PEBP4: variants seen among roughly 807,000 people sequenced by gnomAD.
PEBP4 encodes phosphatidylethanolamine binding protein 4, also known as phosphatidylethanolamine-binding protein 4.
PEBP4 carries 22 observed loss-of-function variants against 23.9 expected under a neutral mutation model. The observed-to-expected ratio is 0.92, with a 90% CI of 0.66 to 1.31. The LOEUF is 1.31. PEBP4 is among the 40% of genes most tolerant of loss of function. The pLI, the probability that PEBP4 is intolerant of heterozygous loss-of-function variation, is 0.00. For missense variants in PEBP4, 324 were observed against 281.7 expected (o/e 1.15, Z -1.07); for synonymous variants, 112 against 99.3 (o/e 1.13, Z -0.76).
chr8:22,864,965 AC>A (rs35062614), intron 3 of PEBP4, among the ~76,000 whole-genome samples: 12 of 152,166 alleles, frequency 7.9e-5, no homozygotes, highest in African/African-American at 2.7e-4. Context: ...CTTCACGGCC[AC>A]TAGGGGGCAG....
intron 4 of PEBP4, among the ~76,000 whole-genome samples, chr8:22,810,709 T>TGA (rs1483088694): frequency 1.5e-4 from 17 of 113,320 alleles, no homozygotes; most frequent in South Asian, 6.7e-4. Flanking sequence ...TGTGTGTGTG[T>TGA]GTGTGAGAGA....
intron 4 of PEBP4, among the ~76,000 whole-genome samples, chr8:22,813,109 T>C (rs561857472): frequency 6.6e-6 from 1 of 152,256 alleles, no homozygotes; most frequent in East Asian, 1.9e-4. Context: ...CCTAAAGCAC[T>C]TAGAAGCCCT....
At chr8:22,741,824 C>T (rs576154513) in intron 4 of PEBP4, among the ~76,000 whole-genome samples, 9 of 152,204 alleles carry the variant, frequency 5.9e-5, no homozygotes, top group African/African-American at 1.4e-4. Flanking sequence ...TGGGGAACAT[C>T]GCCTGTTTCA....
intron 1 of PEBP4, among the ~76,000 whole-genome samples, chr8:22,937,829 A>G (rs929303117): frequency 6.6e-6 from 1 of 151,448 alleles, no homozygotes; most frequent in Admixed American, 6.6e-5. Context: ...TGTGTGTTCA[A>G]ATGATTTTCA....
rs565158476 is a variant in PEBP4, at chr8:22,922,200, C to T, written c.132-1890G>A. On this transcript the variant is annotated intron_variant, in intron 2 of 6. Coordinates refer to ENST00000256404, the MANE Select transcript of PEBP4 (RefSeq NM_144962.3). The stretch of plus-strand genomic sequence containing the variant: ...CTGCCAGGCCAGCGTTTGAACATAG[C>T]GTATTGCCCCACCTAGGATGATGGG... Among the ~76,000 whole-genome samples the T allele has an allele frequency of 1.5e-3, 232 of 152,204 alleles. 1 individual carries two copies. The highest frequency in any genetic ancestry group is 1.6e-3 in the Non-Finnish European group (110 of 68,016).
intron 3 of PEBP4, among the ~76,000 whole-genome samples, chr8:22,902,843 G>T (rs896037481): frequency 2.0e-5 from 3 of 152,212 alleles, no homozygotes; most frequent in African/African-American, 4.8e-5. Flanking sequence ...GAATGCATTG[G>T]ACATACCTGG....
chr8:22,829,920 G>A (rs1807045925), intron 3 of PEBP4, among the ~76,000 whole-genome samples: 2 of 152,150 alleles, frequency 1.3e-5, no homozygotes, highest in African/African-American at 4.8e-5. Flanking sequence ...CCCTTGCTAA[G>A]ATCACCACCT....
At chr8:22,791,877 G>C (rs74780320) in intron 4 of PEBP4, among the ~76,000 whole-genome samples, 1 of 150,014 alleles carries the variant, frequency 6.7e-6, no homozygotes, top group East Asian at 2.0e-4. Flanking sequence ...TTTTTTTTTA[G>C]ACAGGGTCTC....
At position 22,916,283 on chromosome 8, in the gene PEBP4, T is replaced by A. The variant is rs982179712; in HGVS notation, c.258+3901A>T. On this transcript the variant is annotated intron_variant, in intron 3 of 6. Coordinates refer to ENST00000256404, the MANE Select transcript of PEBP4 (RefSeq NM_144962.3). ...AAGAAGCTTCTCAGGGGCCTTTCAGTTTTCCTTGGCTTGAGAACGGGATGC... is the reference window on the plus strand; with the variant it reads ...AAGAAGCTTCTCAGGGGCCTTTCAGATTTCCTTGGCTTGAGAACGGGATGC... Among the ~76,000 whole-genome samples, 6 of 152,144 alleles carry A rather than the reference T, an allele frequency of 3.9e-5. No homozygotes were observed. In the East Asian group the frequency reaches 1.2e-3, roughly 29 times the overall value.
At chr8:22,930,671 C>A (rs768103078), upstream of PEBP4, among the ~76,000 whole-genome samples, 6 of 152,118 alleles carry the variant, frequency 3.9e-5, no homozygotes, top group Non-Finnish European at 8.8e-5. Flanking sequence ...ATTTATCTAA[C>A]CTTCTCTGGC....
chr8:22,746,266 G>A (rs1336694366), intron 4 of PEBP4, among the ~76,000 whole-genome samples: 2 of 152,156 alleles, frequency 1.3e-5, no homozygotes, highest in African/African-American at 2.4e-5. Context: ...GAGGTGTGGA[G>A]GCCCCTCTGG....
chr8:22,909,232 G>A (rs1013254641), intron 3 of PEBP4, among the ~76,000 whole-genome samples: 2 of 152,152 alleles, frequency 1.3e-5, no homozygotes, highest in East Asian at 1.9e-4. Context: ...ACCCGCCAGC[G>A]AGGCCTGGGG....
chr8:22,825,382 A>AGAAGAACG (rs1806947257), intron 3 of PEBP4, among the ~76,000 whole-genome samples: 3 of 152,234 alleles, frequency 2.0e-5, no homozygotes. Context: ...TAGCCAAGAC[A>AGAAGAACG]GAAGAACGTG....
At position 22,920,261 on chromosome 8, in the gene PEBP4, CA is replaced by C. The variant is rs1809172270; in HGVS notation, c.180del (p.Val61PhefsTer18). 2 of 1,613,722 alleles carry C rather than the reference CA, an allele frequency of 1.2e-6. No individual in the cohort carries two copies. Among genetic ancestry groups the C allele is most frequent in the Admixed American group, 3.3e-5 (2 of 59,998 alleles). On this transcript the variant is annotated frameshift_variant, in exon 3 of 7. Coordinates refer to ENST00000256404, the MANE Select transcript of PEBP4 (RefSeq NM_144962.3). LOFTEE classifies it high-confidence loss of function. The part of the protein sequence containing the change: ...YPELGNIGCK[V>X]VPDCNNYRQK... ...TGTCTGTAGTTGTTACAATCAGGAA[CA>C]ACCTTGCAGCCAATGTTCCCCAACT...
chr8:22,876,137 C>T (rs937430407), intron 3 of PEBP4, among the ~76,000 whole-genome samples: 9 of 152,142 alleles, frequency 5.9e-5, no homozygotes, highest in African/African-American at 1.9e-4. Flanking sequence ...TCTAGAACTC[C>T]GGGCCTCAAG....
chr8:22,849,658 C>G (rs1280901696), intron 3 of PEBP4, among the ~76,000 whole-genome samples: 1 of 152,218 alleles, frequency 6.6e-6, no homozygotes, highest in Non-Finnish European at 1.5e-5. Context: ...CTGTCGCATT[C>G]TCTGACATCC....
rs553748764 is a variant in PEBP4 at position 22,727,083 on chromosome 8, A to T, written c.403+92T>A. The T allele has an allele frequency of 4.3e-6, 6 of 1,399,804 alleles. No individual in the cohort carries two copies. The Admixed American group carries it at 1.1e-4, about 25-fold the overall frequency. 86.7% of individuals were successfully genotyped at this position (1,399,804 alleles called of 1,614,324 possible). On this transcript the variant is annotated intron_variant, in intron 5 of 6. Coordinates refer to ENST00000256404, the MANE Select transcript of PEBP4 (RefSeq NM_144962.3). ...CCAAGAAAACTCTCAGGCTGGTGCT[A>T]GCACACGACAAAGCAGCACCATGAG...
chr8:22,920,580 T>A (rs1809179878), intron 2 of PEBP4, among the ~76,000 whole-genome samples: 1 of 152,220 alleles, frequency 6.6e-6, no homozygotes, highest in African/African-American at 2.4e-5. Context: ...ACCTGGCACG[T>A]TGTAAGTCAT....
chr8:22,908,103 C>A (rs567301902), intron 3 of PEBP4, among the ~76,000 whole-genome samples: 11 of 151,826 alleles, frequency 7.2e-5, no homozygotes, highest in African/African-American at 2.4e-4. Context: ...TGGGGCAAGA[C>A]TGAAGATGGA....
Sources: gnomAD v4.1 joint callset for allele counts (sites outside exome capture counted in the v4.1 genomes callset) on GRCh38, gnomAD v4.1.1 for gene constraint, MANE v1.5 for transcripts, NCBI Gene and HGNC (gene_info 2026-07-23, HGNC 2026-07-21) for gene names.